DPH5: variants seen among roughly 807,000 people sequenced by gnomAD.
DPH5 encodes the protein diphthamide biosynthesis 5.
A neutral mutation model predicts 31.6 loss-of-function variants in DPH5; 31 were observed. The observed-to-expected ratio is 0.98, with a 90% CI of 0.74 to 1.32. The LOEUF (loss-of-function observed/expected upper bound fraction) is 1.32, where lower values mean the gene tolerates loss of function less well. DPH5 is among the 40% of genes most tolerant of loss of function. The pLI, the probability that DPH5 is intolerant of heterozygous loss-of-function variation, is 0.00. For synonymous variants in DPH5, 120 were observed against 115.0 expected (o/e 1.04, Z -0.28); for missense variants, 309 against 335.7 (o/e 0.92, Z 0.62).
At chr1:101,000,261 A>G (rs1220178869) in intron 5 of DPH5, among the ~76,000 whole-genome samples, 2 of 152,216 alleles carry the variant, frequency 1.3e-5, no homozygotes, top group Non-Finnish European at 2.9e-5. Flanking sequence ...GCTATGTGAT[A>G]GACATTTTGG....
chr1:101,015,872 C>A (rs995183884), intron 3 of DPH5, among the ~76,000 whole-genome samples: 2 of 152,188 alleles, frequency 1.3e-5, no homozygotes, highest in African/African-American at 4.8e-5. Flanking sequence ...AGCTTCCTCA[C>A]CCCTGTCAGC....
chr1:101,010,617 TTAATC>T (rs1228414672), intron 4 of DPH5, among the ~76,000 whole-genome samples: 4 of 152,060 alleles, frequency 2.6e-5, no homozygotes, highest in South Asian at 4.1e-4. Flanking sequence ...CTGCTACTCT[TTAATC>T]TACTCTGTTC....
intron 2 of DPH5, chr1:101,023,184 C>G (rs1174837236): frequency 6.6e-6 from 1 of 152,030 alleles, no homozygotes; most frequent in Non-Finnish European, 1.5e-5. Flanking sequence ...CATAGCAAGA[C>G]TCCGTCTCAA....
rs1658763458 is a variant in DPH5 at position 101,000,373 on chromosome 1, G to C, written c.490+1094C>G. Reference sequence around the variant, plus strand: ...CTTTGTGTTGCCAGTAAATGATGAAGTAACTACAGGAGTAAGAATATGTAC... The same window carrying C: ...CTTTGTGTTGCCAGTAAATGATGAACTAACTACAGGAGTAAGAATATGTAC... On this transcript the variant is annotated intron_variant, in intron 5 of 7. Coordinates refer to ENST00000370109, the MANE Select transcript of DPH5 (RefSeq NM_015958.3). Among the ~76,000 whole-genome samples the C allele has an allele frequency of 4.6e-5, 7 of 152,246 alleles. No individual in the cohort carries two copies. The South Asian group carries it at 1.5e-3, about 32-fold the overall frequency.
intron 3 of DPH5, among the ~76,000 whole-genome samples, chr1:101,021,006 AAT>A (rs1419129266): frequency 6.6e-6 from 1 of 152,200 alleles, no homozygotes; most frequent in Non-Finnish European, 1.5e-5. Flanking sequence ...ATGTTCCTTA[AAT>A]CTGTGATATA....
intron 3 of DPH5, among the ~76,000 whole-genome samples, chr1:101,019,428 TA>T (rs1020152186): frequency 4.6e-5 from 7 of 152,146 alleles, no homozygotes; most frequent in African/African-American, 1.7e-4. Flanking sequence ...CTAAAATGGT[TA>T]AAATGACACA....
chr1:101,017,156 T>C (rs960759996), intron 3 of DPH5, among the ~76,000 whole-genome samples: 2 of 151,990 alleles, frequency 1.3e-5, no homozygotes, highest in African/African-American at 4.8e-5. Context: ...ATGGCACCAA[T>C]AGGATTGCTC....
intron 3 of DPH5, among the ~76,000 whole-genome samples, chr1:101,015,923 A>G (rs1294229562): frequency 6.6e-6 from 1 of 152,220 alleles, no homozygotes; most frequent in Non-Finnish European, 1.5e-5. Context: ...GCCCTGGATT[A>G]GACTTTAGCT....
intron 1 of DPH5, 63 bp downstream of exon 1, chr1:101,025,620 G>C: frequency 1.4e-6 from 1 of 737,246 alleles, no homozygotes; most frequent in Non-Finnish European, 2.2e-6. Context: ...ACTGGGATAA[G>C]AGGTTTTAAA....
Position 100,990,158 on chromosome 1 carries a change from A to C in DPH5, c.*250T>G, listed in dbSNP as rs982492689. 8.5e-6 allele frequency: 4 copies of C among 473,238 alleles called. No homozygotes were observed. Among genetic ancestry groups the C allele is most frequent in the African/African-American group, 7.9e-5 (4 of 50,916 alleles). 29.3% of individuals were successfully genotyped at this position (473,238 alleles called of 1,614,324 possible). A position where few individuals can be genotyped will look rare whatever the true frequency, so the allele number is the denominator to read the frequency against. ...ATCACGGTGGAAGGCACCTCTTCAC[A>C]GGGCGGCAAGAGTGAGAATGAGAGC... On this transcript the variant is annotated 3_prime_UTR_variant, in exon 8 of 8. Coordinates refer to ENST00000370109, the MANE Select transcript of DPH5 (RefSeq NM_015958.3).
At chr1:101,022,066 T>C (rs907258197) in intron 2 of DPH5, among the ~76,000 whole-genome samples, 1 of 152,200 alleles carries the variant, frequency 6.6e-6, no homozygotes, top group African/African-American at 2.4e-5. Context: ...AAAGGCCAAA[T>C]AGAACACTGT....
chr1:101,016,579 G>A (rs1660093989), intron 3 of DPH5, among the ~76,000 whole-genome samples: 1 of 151,272 alleles, frequency 6.6e-6, no homozygotes, highest in Non-Finnish European at 1.5e-5. Flanking sequence ...TCGGGTAGCT[G>A]GGATTACAGG....
At chr1:101,024,603 T>C (rs1334104170) in intron 2 of DPH5, among the ~76,000 whole-genome samples, 1 of 152,204 alleles carries the variant, frequency 6.6e-6, no homozygotes, top group Non-Finnish European at 1.5e-5. Flanking sequence ...CCATAACATA[T>C]GTATTAATCC....
chr1:101,010,408 C>T (rs2101229766), intron 4 of DPH5, among the ~76,000 whole-genome samples: 1 of 152,262 alleles, frequency 6.6e-6, no homozygotes, highest in East Asian at 1.9e-4. Flanking sequence ...AGTTATACAA[C>T]AATTTTTACC....
chr1:101,006,292 A>T (rs1372670839), intron 4 of DPH5, among the ~76,000 whole-genome samples: 1 of 152,184 alleles, frequency 6.6e-6, no homozygotes, highest in Non-Finnish European at 1.5e-5. Flanking sequence ...GGATTAATTT[A>T]CCAAAATTGT....
intron 2 of DPH5, chr1:101,025,087 C>A: frequency 1.8e-6 from 1 of 544,042 alleles, no homozygotes; most frequent in Non-Finnish European, 3.1e-6. Flanking sequence ...GAGAAAGCCA[C>A]AAAATTAGAC....
chr1:100,999,598 T>TG (rs577670397), intron 5 of DPH5, among the ~76,000 whole-genome samples: 1 of 152,124 alleles, frequency 6.6e-6, no homozygotes, highest in Non-Finnish European at 1.5e-5. Flanking sequence ...CCCAGCACTT[T>TG]GGGGGGCAGA....
chr1:101,013,638 T>A lies in DPH5; in HGVS notation c.369+72A>T, dbSNP rs569247296. On this transcript the variant is annotated intron_variant, in intron 4 of 7. Transcript: ENST00000370109. ...TTATGATTCATAAAATACAATTAAATGTATTTTCAATTTGTGGAAAAATAA... is the reference window on the plus strand; with the variant it reads ...TTATGATTCATAAAATACAATTAAAAGTATTTTCAATTTGTGGAAAAATAA... 1.4e-5 allele frequency: 14 copies of A among 1,034,774 alleles called. No individual in the cohort carries two copies. The Admixed American group carries it at 1.6e-4, about 12-fold the overall frequency. 64.1% of individuals were successfully genotyped at this position (1,034,774 alleles called of 1,614,324 possible).
chr1:101,016,870 T>G (rs1218404799), intron 3 of DPH5, among the ~76,000 whole-genome samples: 1 of 152,182 alleles, frequency 6.6e-6, no homozygotes, highest in Non-Finnish European at 1.5e-5. Flanking sequence ...TTCAATATTG[T>G]TGGGTCTCTG....
Sources: allele counts gnomAD v4.1 joint callset (sites outside exome capture counted in the v4.1 genomes callset), GRCh38; gene constraint gnomAD v4.1.1; transcripts MANE v1.5; gene names NCBI Gene and HGNC (gene_info 2026-07-23, HGNC 2026-07-21).